GRM8: variants seen among roughly 807,000 people sequenced by gnomAD.
GRM8 encodes the protein glutamate metabotropic receptor 8.
GRM8 carries 47 observed loss-of-function variants against 87.2 expected under a neutral mutation model. The observed-to-expected ratio is 0.54, with a 90% CI of 0.43 to 0.69. The LOEUF is 0.69. Ranked by LOEUF, GRM8 falls within the 30% of genes least tolerant of loss-of-function variation. GRM8 has a pLI of 0.00. For missense variants in GRM8, 1,019 were observed against 1,139.2 expected, an observed-to-expected ratio of 0.89 and a Z score of 1.52; for synonymous variants, 396 against 404.5, an observed-to-expected ratio of 0.98 and a Z score of 0.25.
intron 2 of GRM8, among the ~76,000 whole-genome samples, chr7:127,213,084 T>C (rs757602461): frequency 5.9e-5 from 9 of 152,322 alleles, no homozygotes; most frequent in Non-Finnish European, 1.0e-4. Context: ...TGAATGTGTG[T>C]AAACCCAAAG....
intron 7 of GRM8, among the ~76,000 whole-genome samples, chr7:126,704,310 T>C (rs2151406319): frequency 6.6e-6 from 1 of 152,344 alleles, no homozygotes; most frequent in East Asian, 1.9e-4. Context: ...TGTGATTTCC[T>C]ATGCCTGTCT....
intron 3 of GRM8, among the ~76,000 whole-genome samples, chr7:126,968,058 T>G (rs1047109307): frequency 6.6e-5 from 10 of 152,230 alleles, no homozygotes; most frequent in African/African-American, 2.4e-4. Context: ...AAATGCATTT[T>G]ATGATTTCAG....
intron 2 of GRM8, among the ~76,000 whole-genome samples, chr7:127,220,202 C>T (rs536014162): frequency 6.6e-6 from 1 of 152,308 alleles, no homozygotes; most frequent in African/African-American, 2.4e-5. Flanking sequence ...GTCTTCCCAA[C>T]TTTATCTTTT....
chr7:126,775,479 G>GTTTTTTTTTT lies in GRM8; in HGVS notation c.1157-5424_1157-5415dup, dbSNP rs372733476. Among the ~76,000 whole-genome samples the GTTTTTTTTTT allele has an allele frequency of 9.1e-4, 95 of 104,750 alleles. 6 individuals are homozygous for GTTTTTTTTTT. Among genetic ancestry groups the GTTTTTTTTTT allele is most frequent in the African/African-American group, 4.0e-3 (93 of 23,052 alleles). The allele number at this position is 104,750 out of a possible 152,430, so 68.7% of individuals were successfully genotyped here. On this transcript the variant is annotated intron_variant, in intron 6 of 10. Transcript: ENST00000339582. The stretch of plus-strand genomic sequence containing the variant: ...TGAGCGCTATCAAGCTGACAAATAG[G>GTTTTTTTTTT]TTTTTTTTTTTTTTTTTTTTTTTTT...
intron 7 of GRM8, among the ~76,000 whole-genome samples, chr7:126,739,435 A>G (rs1001843931): frequency 1.4e-4 from 21 of 151,150 alleles, no homozygotes; most frequent in African/African-American, 5.1e-4. Flanking sequence ...CACACACCAC[A>G]TACAAAACAT....
intron 3 of GRM8, among the ~76,000 whole-genome samples, chr7:127,031,423 C>G (rs17875028): frequency 0.011 from 1,681 of 152,048 alleles, 26 homozygotes; most frequent in African/African-American, 0.037. Flanking sequence ...AACCAAGAGC[C>G]CTGAAATGTT....
intron 2 of GRM8, among the ~76,000 whole-genome samples, chr7:127,241,468 C>T (rs1299934845): frequency 4.9e-5 from 7 of 142,250 alleles, no homozygotes; most frequent in African/African-American, 1.8e-4. Flanking sequence ...GAGTCTTGCT[C>T]TGTTGCCCAG....
At chr7:126,587,239 C>T (rs1360821854) in intron 8 of GRM8, among the ~76,000 whole-genome samples, 4 of 152,204 alleles carry the variant, frequency 2.6e-5, no homozygotes, top group Admixed American at 2.0e-4. Flanking sequence ...GGACTGTAAA[C>T]TAGTTCAACC....
intron 3 of GRM8, among the ~76,000 whole-genome samples, chr7:127,044,920 T>C (rs1441964913): frequency 3.3e-5 from 5 of 152,134 alleles, no homozygotes; most frequent in Non-Finnish European, 7.3e-5. Flanking sequence ...AAAAATGACA[T>C]TTTGTCATAT....
At chr7:126,971,737 G>A (rs934596302) in intron 3 of GRM8, among the ~76,000 whole-genome samples, 1 of 152,112 alleles carries the variant, frequency 6.6e-6, no homozygotes, top group Non-Finnish European at 1.5e-5. Flanking sequence ...AGGTGGTTTG[G>A]ACTCCCAGTA....
At chr7:127,043,180 G>C (rs796803808) in intron 3 of GRM8, among the ~76,000 whole-genome samples, 11 of 152,198 alleles carry the variant, frequency 7.2e-5, no homozygotes, top group South Asian at 4.1e-4. Context: ...CTGTAAACTA[G>C]TTCAACCATT....
intron 3 of GRM8, among the ~76,000 whole-genome samples, chr7:126,973,173 C>T (rs762338676): frequency 1.9e-4 from 29 of 152,174 alleles, no homozygotes; most frequent in Non-Finnish European, 3.2e-4. Flanking sequence ...TACTGGGCCC[C>T]ACTCTCAGAG....
At chr7:127,025,499 C>A (rs919312770) in intron 3 of GRM8, among the ~76,000 whole-genome samples, 1 of 152,140 alleles carries the variant, frequency 6.6e-6, no homozygotes, top group East Asian at 1.9e-4. Flanking sequence ...AGTTTAGAGA[C>A]TGGGAGCTGC....
chr7:126,820,838 T>C (rs940521987), intron 6 of GRM8, among the ~76,000 whole-genome samples: 1 of 152,248 alleles, frequency 6.6e-6, no homozygotes, highest in Non-Finnish European at 1.5e-5. Flanking sequence ...CGGTGGCTCA[T>C]GCCTGTAATC....
chr7:126,973,606 G>A (rs766477818), intron 3 of GRM8, among the ~76,000 whole-genome samples: 17 of 152,138 alleles, frequency 1.1e-4, no homozygotes, highest in Non-Finnish European at 2.2e-4. Flanking sequence ...ATAACCAATG[G>A]TGTGCATCAG....
At chr7:126,782,952 C>G (rs1049195752) in intron 6 of GRM8, among the ~76,000 whole-genome samples, 1 of 152,132 alleles carries the variant, frequency 6.6e-6, no homozygotes, top group East Asian at 1.9e-4. Context: ...CTGTGCCATT[C>G]TTCATAGGGA....
chr7:127,064,760 GA>G (rs1199847444), intron 3 of GRM8, among the ~76,000 whole-genome samples: 1 of 152,028 alleles, frequency 6.6e-6, no homozygotes, highest in African/African-American at 2.4e-5. Context: ...ACAAGGATAT[GA>G]AAAAAAGCTC....
At chr7:126,615,206 T>C (rs1799336000) in intron 7 of GRM8, among the ~76,000 whole-genome samples, 2 of 151,936 alleles carry the variant, frequency 1.3e-5, no homozygotes, top group Non-Finnish European at 2.9e-5. Context: ...CAGAAGAGAG[T>C]GGGGGCCAAT....
chr7:126,703,663 G>A (rs902740858), intron 7 of GRM8, among the ~76,000 whole-genome samples: 14 of 152,234 alleles, frequency 9.2e-5, no homozygotes, highest in African/African-American at 3.4e-4. Context: ...GGCCTTGAGC[G>A]ACCCTCTTGC....
Sources: gnomAD v4.1 joint callset for allele counts (sites outside exome capture counted in the v4.1 genomes callset) on GRCh38, gnomAD v4.1.1 for gene constraint, MANE v1.5 for transcripts, NCBI Gene and HGNC (gene_info 2026-07-23, HGNC 2026-07-21) for gene names.